Variants in ATG16L1 observed in about 807,000 individuals in gnomAD.
ATG16L1 encodes autophagy related 16 like 1.
Under a neutral mutation model 88.5 loss-of-function variants are expected in ATG16L1, and 37 were observed. The ratio of observed to expected loss-of-function variants is 0.42; its 90% CI spans 0.32 to 0.55. The LOEUF (loss-of-function observed/expected upper bound fraction) is 0.55, where lower values mean the gene tolerates loss of function less well. ATG16L1 is among the 20% of genes least tolerant of loss of function. The probability of loss-of-function intolerance (pLI) is 0.13; values close to 1 mark genes in which losing one functional copy is unlikely to be tolerated. For synonymous variants in ATG16L1, 301 were observed against 281.0 expected (o/e 1.07, Z -0.71); for missense variants, 554 against 752.8 (o/e 0.74, Z 3.09).
At chr2:233,285,024 G>A (rs374236332) in intron 12 of ATG16L1, among the ~76,000 whole-genome samples, 1 of 152,332 alleles carries the variant, frequency 6.6e-6, no homozygotes, top group East Asian at 1.9e-4. Flanking sequence ...CTTAATGACG[G>A]ACTAGGGAAG....
chr2:233,280,074 A>G (rs989616617), intron 10 of ATG16L1, among the ~76,000 whole-genome samples: 2 of 152,214 alleles, frequency 1.3e-5, no homozygotes, highest in African/African-American at 4.8e-5. Context: ...GTATTTTGCA[A>G]GTGAGTTCAG....
At chr2:233,254,085 A>G (rs756324235) in intron 1 of ATG16L1, among the ~76,000 whole-genome samples, 19 of 152,210 alleles carry the variant, frequency 1.2e-4, no homozygotes, top group African/African-American at 2.4e-5. Flanking sequence ...TTTCAAAGCC[A>G]TCTGTATAAT....
chr2:233,258,216 C>CA (rs1468956400), intron 2 of ATG16L1, among the ~76,000 whole-genome samples: 9 of 152,050 alleles, frequency 5.9e-5, no homozygotes, highest in Non-Finnish European at 1.2e-4. Flanking sequence ...GGTATGGGGA[C>CA]AGTAGCCATT....
At chr2:233,286,771 G>A (rs867315915) in intron 12 of ATG16L1, among the ~76,000 whole-genome samples, 16 of 151,412 alleles carry the variant, frequency 1.1e-4, no homozygotes, top group Non-Finnish European at 1.8e-4. Flanking sequence ...GACTACAGGC[G>A]CCCGCCACCA....
intron 2 of ATG16L1, among the ~76,000 whole-genome samples, chr2:233,257,671 T>C (rs190683456): frequency 4.6e-5 from 7 of 152,296 alleles, no homozygotes; most frequent in Admixed American, 1.3e-4. Context: ...AATTAGCAGA[T>C]TGCAGTAAGC....
chr2:233,268,277 A>T (rs529884429), intron 5 of ATG16L1, among the ~76,000 whole-genome samples: 66 of 152,282 alleles, frequency 4.3e-4, no homozygotes, highest in African/African-American at 1.6e-3. Flanking sequence ...CCAACATGGC[A>T]AAACCCTGTC....
At chr2:233,267,462 T>TA (rs35352766) in intron 5 of ATG16L1, among the ~76,000 whole-genome samples, 66,297 of 152,096 alleles carry the variant, frequency 0.44, 15,137 homozygotes, top group Non-Finnish European at 0.52. Context: ...TATACTTTTT[T>TA]AAAAAAATGA....
chr2:233,264,902 T>C lies in ATG16L1; in HGVS notation c.400T>C (p.Cys134Arg). The C allele has an allele frequency of 6.2e-7, 1 of 1,613,950 alleles. No individual in the cohort carries two copies. Residue 134 changes from cysteine (C) to arginine (R), a missense_variant, in exon 5 of 18, where the codon TGT (cysteine) becomes CGT (arginine). Transcript: ENST00000392017. Reference protein sequence around the residue: ...MQMNEAKIAECLQTISDLETE... With the variant: ...MQMNEAKIAERLQTISDLETE... ...ATGTCATGCTTCCAGAATTGCAGAATGTTTGCAGACTATCTCTGACCTGGA... is the reference window on the plus strand; with the variant it reads ...ATGTCATGCTTCCAGAATTGCAGAACGTTTGCAGACTATCTCTGACCTGGA...
Position 233,295,066 on chromosome 2 carries a change from G to A in ATG16L1, c.*716G>A, listed in dbSNP as rs1699717584. 6.6e-6 allele frequency: 1 copy of A among 152,512 alleles called. No homozygotes were observed. Among genetic ancestry groups the A allele is most frequent in the African/African-American group, 2.4e-5 (1 of 41,452 alleles). The allele number at this position is 152,512 out of a possible 1,614,324, so 9.4% of individuals were successfully genotyped here. A position where few individuals can be genotyped will look rare whatever the true frequency, so the allele number is the denominator to read the frequency against. On this transcript the variant is annotated 3_prime_UTR_variant, in exon 18 of 18. Transcript: ENST00000392017. ...GGAAATGGGTTCGCTGCAGAGGTAA[G>A]GATGTGTTCCTGTATCGATCTGCAG...
chr2:233,261,769 G>T (rs181756540), intron 2 of ATG16L1, among the ~76,000 whole-genome samples: 4 of 152,260 alleles, frequency 2.6e-5, no homozygotes, highest in African/African-American at 9.6e-5. Context: ...ATTCTCACCT[G>T]TGACACCAGC....
rs371559313 is a variant in ATG16L1 at position 233,275,714 on chromosome 2, G to A, written c.954+936G>A. 9.1e-5 allele frequency: 47 copies of A among 517,402 alleles called. 1 individual carries two copies. The highest frequency in any genetic ancestry group is 5.6e-4 in the Admixed American group (29 of 51,572). The allele number at this position is 517,402 out of a possible 1,614,324, so 32.1% of individuals were successfully genotyped here. ...CACTCCTGTGATTCCATGATGCACC[G>A]GGCACCTGCAGAGGTCGATGATGAT... On this transcript the variant is annotated intron_variant, in intron 9 of 17. Coordinates refer to ENST00000392017, the MANE Select transcript of ATG16L1 (RefSeq NM_030803.7).
In ATG16L1 at chr2:233,289,865, G is replaced by A. The variant is rs376637759; in HGVS notation, c.1215G>A (p.Thr405=). 9 of 1,614,034 alleles carry A rather than the reference G, an allele frequency of 5.6e-6. No homozygotes were observed. Among genetic ancestry groups the A allele is most frequent in the African/African-American group, 1.3e-5 (1 of 74,920 alleles). ...GTTCTCTCTCCTAGCACACACTCAC[G>A]GGACACAGTGGGAAAGTGCTGTCTG... is the stretch of plus-strand genomic sequence containing the variant. The part of the protein sequence containing the change: ...VDDYRLRHTL[T]GHSGKVLSAK... The change falls in exon 13 of 18, where the codon ACG becomes ACA. Residue 405 remains threonine (T), a synonymous_variant. Transcript: ENST00000392017.
intron 5 of ATG16L1, among the ~76,000 whole-genome samples, chr2:233,269,719 T>A (rs1461191811): frequency 6.6e-6 from 1 of 152,206 alleles, no homozygotes; most frequent in Non-Finnish European, 1.5e-5. Flanking sequence ...TATCCTAAGA[T>A]ACCCTTGGTC....
chr2:233,289,719 G>A (rs934036506), intron 12 of ATG16L1, 135 bp from the exon 13 acceptor site: 19 of 1,181,102 alleles, frequency 1.6e-5, no homozygotes, highest in Middle Eastern at 2.8e-4. Flanking sequence ...CTGTCTTATC[G>A]CTTTGAGTGT....
chr2:233,254,162 C>A (rs1696615624), intron 1 of ATG16L1, among the ~76,000 whole-genome samples: 3 of 152,158 alleles, frequency 2.0e-5, no homozygotes, highest in Admixed American at 2.0e-4. Flanking sequence ...TTGAAAATGG[C>A]ATCTTGATGG....
chr2:233,271,681 G>A (rs756817105), intron 6 of ATG16L1, among the ~76,000 whole-genome samples: 1 of 152,210 alleles, frequency 6.6e-6, no homozygotes, highest in African/African-American at 2.4e-5. Context: ...GTGTTTTCTT[G>A]TGGTCCCGGG....
At chr2:233,273,821 C>T (rs1164774456) in intron 8 of ATG16L1, 44 bp downstream of exon 8, 4 of 1,588,216 alleles carry the variant, frequency 2.5e-6, no homozygotes, top group Non-Finnish European at 8.6e-7. Context: ...ATAAGTATAC[C>T]TAAGTATATG....
At chr2:233,260,934 T>C (rs567510824) in intron 2 of ATG16L1, among the ~76,000 whole-genome samples, 1 of 152,238 alleles carries the variant, frequency 6.6e-6, no homozygotes, top group East Asian at 1.9e-4. Flanking sequence ...TGATACACTT[T>C]TGTTTTTCTT....
intron 2 of ATG16L1, among the ~76,000 whole-genome samples, chr2:233,261,723 T>A (rs13391356): frequency 6.6e-6 from 1 of 151,966 alleles, no homozygotes; most frequent in African/African-American, 2.4e-5. Flanking sequence ...AAGCTTTCCC[T>A]AGACAGTGGT....
Sources: gnomAD v4.1 joint callset for allele counts (sites outside exome capture counted in the v4.1 genomes callset) on GRCh38, gnomAD v4.1.1 for gene constraint, MANE v1.5 for transcripts, NCBI Gene and HGNC (gene_info 2026-07-23, HGNC 2026-07-21) for gene names.